The following NHLRC3 variants were observed in gnomAD, a reference collection of about 807,000 sequenced individuals.
NHLRC3 encodes NHL repeat containing 3, also known as NHL repeat-containing protein 3.
In NHLRC3, 23 loss-of-function variants were observed where a neutral mutation model predicts 32.0. The ratio of observed to expected loss-of-function variants is 0.72; its 90% confidence interval spans 0.52 to 1.02. The LOEUF (loss-of-function observed/expected upper bound fraction) is 1.02. Ranked by LOEUF, NHLRC3 falls within the 50% of genes least tolerant of loss-of-function variation. The probability of loss-of-function intolerance (pLI) is 0.00; values close to 1 mark genes in which losing one functional copy is unlikely to be tolerated. For missense variants in NHLRC3, 407 were observed against 406.8 expected (o/e 1.00, Z -0.01); for synonymous variants, 159 against 147.9 (o/e 1.08, Z -0.55).
intron 6 of NHLRC3, 98 bp from the exon 7 acceptor site, chr13:39,047,576 C>T: frequency 1.2e-6 from 1 of 864,612 alleles, no homozygotes; most frequent in Non-Finnish European, 1.8e-6. Flanking sequence ...AAGTAGGTGC[C>T]TACTGTTGTT....
intron 5 of NHLRC3, 119 bp from the exon 6 acceptor site, chr13:39,046,921 C>A: frequency 1.4e-6 from 1 of 724,964 alleles, no homozygotes; most frequent in Non-Finnish European, 2.4e-6. Context: ...GACTTAACTA[C>A]CTTCTTTGGA....
At chr13:39,041,497 C>T (rs931706689) in intron 3 of NHLRC3, 9 of 152,406 alleles carry the variant, frequency 5.9e-5, no homozygotes, top group Admixed American at 5.9e-4. Context: ...TATGCTCTTG[C>T]TTGTAAGATA....
At position 39,042,270 on chromosome 13, in the gene NHLRC3, G is replaced by T; in HGVS notation, c.551G>T (p.Gly184Val). The T allele has an allele frequency of 1.2e-6, 2 of 1,608,578 alleles. No individual in the cohort carries two copies. Among genetic ancestry groups the T allele is most frequent in the Non-Finnish European group, 1.7e-6 (2 of 1,175,116 alleles). Residue 184 changes from glycine (G) to valine (V), a missense_variant, in exon 4 of 7, where the codon GGA becomes GTA. Gly to Val is a moderately radical substitution (Grantham distance 109). Coordinates refer to ENST00000379600, the MANE Select transcript of NHLRC3 (RefSeq NM_001012754.4). Reference sequence around the variant, plus strand: ...GATATTTACATTGTGGATGGAGATGGAGGATTGAATAACAGATTGATCAAA... The same window carrying T: ...GATATTTACATTGTGGATGGAGATGTAGGATTGAATAACAGATTGATCAAA... ...TGDIYIVDGD[G>V]GLNNRLIKLS...
chr13:39,047,163 C>G lies in NHLRC3; in HGVS notation c.791+11C>G. 1 of 1,465,924 alleles carries G rather than the reference C, an allele frequency of 6.8e-7. No homozygotes were observed. The highest frequency in any genetic ancestry group is 9.5e-7 in the Non-Finnish European group (1 of 1,051,768). 90.8% of individuals were successfully genotyped at this position (1,465,924 alleles called of 1,614,324 possible). A position where few individuals can be genotyped will look rare whatever the true frequency, so the allele number is the denominator to read the frequency against. On this transcript the variant is annotated intron_variant, in intron 6 of 6. Transcript: ENST00000379600. ...ACCTTCTTCAGTCAGGTAATTGTTTCATTTTATTGCAAAATGCTTGTTTTA... is the reference window on the plus strand; with the variant it reads ...ACCTTCTTCAGTCAGGTAATTGTTTGATTTTATTGCAAAATGCTTGTTTTA...
intron 1 of NHLRC3, 66 bp from the exon 2 acceptor site, chr13:39,039,070 C>CT (rs2138148205): frequency 1.3e-6 from 1 of 753,046 alleles, no homozygotes; most frequent in Admixed American, 2.2e-5. Context: ...TTACCCGGCC[C>CT]CCCCGCCCTT....
At chr13:39,040,502 C>T (rs955648173) in intron 3 of NHLRC3, 2 of 152,142 alleles carry the variant, frequency 1.3e-5, no homozygotes, top group Admixed American at 6.5e-5. Flanking sequence ...TGAAATCTTC[C>T]TGCCATCAAA....
chr13:39,044,684 G>A (rs981880279), intron 5 of NHLRC3, among the ~76,000 whole-genome samples: 1 of 152,150 alleles, frequency 6.6e-6, no homozygotes, highest in Non-Finnish European at 1.5e-5. Flanking sequence ...ATTGTTTAGG[G>A]AACAGAAAGC....
At chr13:39,040,971 T>G (rs1265808745) in intron 3 of NHLRC3, 1 of 152,208 alleles carries the variant, frequency 6.6e-6, no homozygotes, top group East Asian at 1.9e-4. Context: ...CTATTTTCAC[T>G]TTTTTCCTGA....
Position 39,048,099 on chromosome 13 carries a change from A to C in NHLRC3, c.*173A>C. The C allele has an allele frequency of 1.7e-6, 1 of 584,186 alleles. No individual in the cohort carries two copies. Among genetic ancestry groups the C allele is most frequent in the Non-Finnish European group, 2.9e-6 (1 of 339,886 alleles). 36.2% of individuals were successfully genotyped at this position (584,186 alleles called of 1,614,324 possible). A position where few individuals can be genotyped will look rare whatever the true frequency, so the allele number is the denominator to read the frequency against. The stretch of plus-strand genomic sequence containing the variant: ...ATATTTTGTTGCCCTCTTGGGACTT[A>C]GTTTTATTTGTAAGTGCATAAGGAT... On this transcript the variant is annotated 3_prime_UTR_variant, in exon 7 of 7. Coordinates refer to ENST00000379600, the MANE Select transcript of NHLRC3 (RefSeq NM_001012754.4).
In NHLRC3 at chr13:39,047,855, G is replaced by A. The variant is rs1344528467; in HGVS notation, c.973G>A (p.Ala325Thr). The A allele has an allele frequency of 2.5e-6, 4 of 1,613,840 alleles. No individual in the cohort carries two copies. The South Asian group carries it at 4.4e-5, about 18-fold the overall frequency. ...VDRKTGAVYVAEIGAKQVQKY... is the reference protein window; with the variant it reads ...VDRKTGAVYVTEIGAKQVQKY... ...CAGAAAGACTGGAGCAGTCTATGTA[G>A]CAGAAATTGGAGCAAAACAAGTACA... Residue 325 changes from alanine (A) to threonine (T), a missense_variant, in exon 7 of 7, where the codon GCA becomes ACA. Transcript: ENST00000379600.
chr13:39,042,323 G>T lies in NHLRC3; in HGVS notation c.586+18G>T. ...GTCCCAAGGTACATTACTTGTTTAT[G>T]GTATTATAAAAATATTATAAATTGA... On this transcript the variant is annotated intron_variant, in intron 4 of 6. Transcript: ENST00000379600. 7.3e-7 allele frequency: 1 copy of T among 1,367,054 alleles called. No homozygotes were observed. Among genetic ancestry groups the T allele is most frequent in the Non-Finnish European group, 1.0e-6 (1 of 971,418 alleles). 84.7% of individuals were successfully genotyped at this position (1,367,054 alleles called of 1,614,324 possible). A position where few individuals can be genotyped will look rare whatever the true frequency, so the allele number is the denominator to read the frequency against.
Position 39,042,241 on chromosome 13 carries a change from A to T in NHLRC3, c.522A>T (p.Thr174=). The change falls in exon 4 of 7, where the codon ACA becomes ACT. Residue 174 remains threonine, a synonymous_variant. Coordinates refer to ENST00000379600, the MANE Select transcript of NHLRC3 (RefSeq NM_001012754.4). ...DNPAELYVED[T]GDIYIVDGDG... is the part of the protein sequence containing the mutation. The stretch of plus-strand genomic sequence containing the variant: ...CAGCAGAATTATATGTAGAGGACAC[A>T]GGAGATATTTACATTGTGGATGGAG... 1.2e-6 allele frequency: 2 copies of T among 1,610,894 alleles called. No individual in the cohort carries two copies. Among genetic ancestry groups the T allele is most frequent in the Non-Finnish European group, 1.7e-6 (2 of 1,177,124 alleles).
intron 1 of NHLRC3, 101 bp from the exon 2 acceptor site, chr13:39,039,035 A>G: frequency 1.1e-6 from 1 of 945,686 alleles, no homozygotes; most frequent in Non-Finnish European, 1.6e-6. Flanking sequence ...TCTAGTTGTC[A>G]AGGCATGCTT....
intron 3 of NHLRC3, chr13:39,041,294 T>C (rs1871457506): frequency 6.6e-6 from 1 of 152,150 alleles, no homozygotes; most frequent in African/African-American, 2.4e-5. Context: ...GAACTTTAGC[T>C]CAACTGTCTA....
Position 39,042,249 on chromosome 13 carries a change from T to C in NHLRC3, c.530T>C (p.Ile177Thr), listed in dbSNP as rs146609288. The change falls in exon 4 of 7, where the codon ATT becomes ACT. Residue 177 changes from isoleucine to threonine, a missense_variant. Ile to Thr is a moderately conservative substitution (Grantham distance 89). Transcript: ENST00000379600. Reference protein sequence around the residue: ...AELYVEDTGDIYIVDGDGGLN... With the variant: ...AELYVEDTGDTYIVDGDGGLN... Reference sequence around the variant, plus strand: ...TTATATGTAGAGGACACAGGAGATATTTACATTGTGGATGGAGATGGAGGA... The same window carrying C: ...TTATATGTAGAGGACACAGGAGATACTTACATTGTGGATGGAGATGGAGGA... The C allele has an allele frequency of 3.7e-6, 6 of 1,611,394 alleles. No homozygotes were observed. Among genetic ancestry groups the C allele is most frequent in the Non-Finnish European group, 5.1e-6 (6 of 1,177,750 alleles).
chr13:39,041,427 G>T (rs1871462064), intron 3 of NHLRC3: 1 of 152,118 alleles, frequency 6.6e-6, no homozygotes, highest in Admixed American at 6.5e-5. Flanking sequence ...TTTGGCATAT[G>T]TACCTTCAAA....
rs139652592 is a variant in NHLRC3, at chr13:39,047,791, A to C, written c.909A>C (p.Gln303His). 41 of 1,614,194 alleles carry C rather than the reference A, an allele frequency of 2.5e-5. No individual in the cohort carries two copies. The African/African-American group carries it at 4.3e-4, about 17-fold the overall frequency. Residue 303 changes from glutamine (Q) to histidine (H), a missense_variant, in exon 7 of 7, where the codon CAA (glutamine) becomes CAC (histidine). Coordinates refer to ENST00000379600, the MANE Select transcript of NHLRC3 (RefSeq NM_001012754.4). ...AGTGTTCTGTGATCAGCACAATCCA[A>C]CTAGCAGATCAAGTTTTGCCACATC... The part of the protein sequence containing the change: ...IGECSVISTI[Q>H]LADQVLPHLL...
chr13:39,038,790 G>A, intron 1 of NHLRC3, 67 bp downstream of exon 1: 3 of 1,309,262 alleles, frequency 2.3e-6, no homozygotes, highest in Non-Finnish European at 2.2e-6. Flanking sequence ...CGTCGCCACG[G>A]TCGTGGCATG....
At position 39,047,890 on chromosome 13, in the gene NHLRC3, C is replaced by T; in HGVS notation, c.1008C>T (p.Val336=). 4 of 1,612,998 alleles carry T rather than the reference C, an allele frequency of 2.5e-6. No homozygotes were observed. Among genetic ancestry groups the T allele is most frequent in the East Asian group, 2.2e-5 (1 of 44,864 alleles). The change falls in exon 7 of 7, where the codon GTC becomes GTT. Residue 336 remains valine, a synonymous_variant. Transcript: ENST00000379600. ...GAGCAAAACAAGTACAAAAATATGTCCCTTTGAATAGCTATGTTCCTTCAT... is the reference window on the plus strand; with the variant it reads ...GAGCAAAACAAGTACAAAAATATGTTCCTTTGAATAGCTATGTTCCTTCAT... ...EIGAKQVQKY[V]PLNSYVPSFG...
Sources: allele counts gnomAD v4.1 joint callset (sites outside exome capture counted in the v4.1 genomes callset), GRCh38; gene constraint gnomAD v4.1.1; transcripts MANE v1.5; gene names NCBI Gene and HGNC (gene_info 2026-07-23, HGNC 2026-07-21).